The following CNDP1 variants were observed in gnomAD, a reference collection of about 807,000 sequenced individuals.
CNDP1 encodes carnosine dipeptidase 1.
Under a neutral mutation model 58.1 loss-of-function variants are expected in CNDP1, and 44 were observed. That is an observed-to-expected ratio of 0.76 (90% CI 0.60 to 0.97). CNDP1 has a LOEUF of 0.97. Among genes scored for constraint, CNDP1 ranks in the 50% least tolerant of loss-of-function variants. The pLI is 0.00. For missense variants in CNDP1, 616 were observed against 655.1 expected, an observed-to-expected ratio of 0.94 and a Z score of 0.65; for synonymous variants, 254 against 252.6, an observed-to-expected ratio of 1.01 and a Z score of -0.05.
intron 1 of CNDP1, among the ~76,000 whole-genome samples, chr18:74,546,739 C>T (rs778551914): frequency 7.2e-5 from 11 of 152,228 alleles, no homozygotes; most frequent in Non-Finnish European, 1.2e-4. Context: ...CTTCGGCAGT[C>T]TCTGACTTCT....
At chr18:74,577,574 G>A (rs1387073249) in intron 8 of CNDP1, 2 of 152,592 alleles carry the variant, frequency 1.3e-5, no homozygotes, top group African/African-American at 4.8e-5. Flanking sequence ...TGCCTGACAA[G>A]GTGTTTGGTA....
In CNDP1 at chr18:74,578,111, G is replaced by T. The variant is rs559473440; in HGVS notation, c.1003-52G>T. The T allele has an allele frequency of 4.5e-6, 7 of 1,548,092 alleles. No individual in the cohort carries two copies. In the East Asian group the frequency reaches 1.6e-4, roughly 35 times the overall value. ...AGAGGGTGGTAACACAAGCAACCCA[G>T]GTCCACTGGGTTCTAATTAAGCATC... On this transcript the variant is annotated intron_variant, in intron 8 of 11. Coordinates refer to ENST00000358821, the MANE Select transcript of CNDP1 (RefSeq NM_032649.6).
At chr18:74,584,031 T>A in intron 11 of CNDP1, 1 of 330,856 alleles carries the variant, frequency 3.0e-6, no homozygotes, top group Non-Finnish European at 5.6e-6. Context: ...CATTTAACCT[T>A]TATTATCTCC....
At position 74,576,866 on chromosome 18, in the gene CNDP1, T is replaced by C. The variant is rs1373001600; in HGVS notation, c.842-3T>C. On this transcript the variant is annotated splice_region_variant and splice_polypyrimidine_tract_variant and intron_variant, in intron 7 of 11. Coordinates refer to ENST00000358821, the MANE Select transcript of CNDP1 (RefSeq NM_032649.6). ...GGCTTTGTTTTCTGTGTGTGTTTTGTAGGTAGCCTGGTAGACTCGTCTGGT... is the reference window on the plus strand; with the variant it reads ...GGCTTTGTTTTCTGTGTGTGTTTTGCAGGTAGCCTGGTAGACTCGTCTGGT... The C allele has an allele frequency of 6.2e-7, 1 of 1,604,578 alleles. No homozygotes were observed. The highest frequency in any genetic ancestry group is 1.7e-5 in the Admixed American group (1 of 58,768).
chr18:74,563,786 G>A (rs1387460964), intron 5 of CNDP1, among the ~76,000 whole-genome samples: 1 of 152,154 alleles, frequency 6.6e-6, no homozygotes, highest in African/African-American at 2.4e-5. Flanking sequence ...TATTTCACAG[G>A]TAGAGCAGTA....
At chr18:74,575,447 G>A (rs1981606534) in intron 7 of CNDP1, among the ~76,000 whole-genome samples, 1 of 152,206 alleles carries the variant, frequency 6.6e-6, no homozygotes, top group Non-Finnish European at 1.5e-5. Flanking sequence ...CTGCCCTGGA[G>A]ACATTTTTGT....
intron 7 of CNDP1, chr18:74,576,614 G>T (rs2144575333): frequency 5.2e-6 from 2 of 386,672 alleles, no homozygotes; most frequent in Non-Finnish European, 9.2e-6. Context: ...TGCAGGCCCA[G>T]GTGTTTTCAG....
chr18:74,570,890 A>AAAGGAAG (rs1278143557), intron 6 of CNDP1, among the ~76,000 whole-genome samples: 2 of 152,244 alleles, frequency 1.3e-5, no homozygotes, highest in Non-Finnish European at 2.9e-5. Flanking sequence ...CAGCTGTGTA[A>AAAGGAAG]ACATCAATCA....
rs1460563811 is a variant in CNDP1 at position 74,585,558 on chromosome 18, A to T, written c.*996A>T. ...TGGCTTGATTGGATTTGACGGTGTA[A>T]ACAACAAAAAAAGACAGTCATTTTT... On this transcript the variant is annotated 3_prime_UTR_variant, in exon 12 of 12. Transcript: ENST00000358821. 1 of 92,274 alleles carries T rather than the reference A, an allele frequency of 1.1e-5. No homozygotes were observed. Among genetic ancestry groups the T allele is most frequent in the African/African-American group, 3.1e-5 (1 of 32,076 alleles). 5.7% of individuals were successfully genotyped at this position (92,274 alleles called of 1,614,324 possible). A position where few individuals can be genotyped will look rare whatever the true frequency, so the allele number is the denominator to read the frequency against.
intron 1 of CNDP1, among the ~76,000 whole-genome samples, chr18:74,537,930 A>G (rs574574935): frequency 1.9e-4 from 29 of 152,336 alleles, no homozygotes; most frequent in Admixed American, 8.5e-4. Flanking sequence ...ATTTAGACGA[A>G]GGTGAGAAGT....
rs1190033745 is a variant in CNDP1 at position 74,579,198 on chromosome 18, CCCTTG to C, written c.1167+876_1167+880del. Among the ~76,000 whole-genome samples the C allele has an allele frequency of 4.8e-3, 530 of 110,344 alleles. 3 individuals carry two copies. The highest frequency in any genetic ancestry group is 0.017 in the African/African-American group (406 of 23,692). The allele number at this position is 110,344 out of a possible 152,430, so 72.4% of individuals were successfully genotyped here. ...TCTCCCTTCTCCCTTTCCTTCCCTTCCCTTGCCTTCCCTTCCCTTCCCTTCCCTTC... is the reference window on the plus strand; with the variant it reads ...TCTCCCTTCTCCCTTTCCTTCCCTTCCCTTCCCTTCCCTTCCCTTCCCTTC... On this transcript the variant is annotated intron_variant, in intron 9 of 11. Coordinates refer to ENST00000358821, the MANE Select transcript of CNDP1 (RefSeq NM_032649.6).
At chr18:74,575,739 G>A (rs79867580) in intron 7 of CNDP1, among the ~76,000 whole-genome samples, 1,857 of 152,050 alleles carry the variant, frequency 0.012, 18 homozygotes, top group Non-Finnish European at 0.02. Context: ...GTGTGTGTGC[G>A]TGTGTGCGCG....
intron 1 of CNDP1, among the ~76,000 whole-genome samples, chr18:74,549,558 G>A (rs1980847644): frequency 6.6e-6 from 1 of 152,064 alleles, no homozygotes; most frequent in South Asian, 2.1e-4. Context: ...AGAGCATAAA[G>A]TTTGGGAAAT....
chr18:74,578,263 G>A lies in CNDP1; in HGVS notation c.1103G>A (p.Arg368Gln), dbSNP rs539490484. ...GGAACTAAAACAGTCATACCTGGCCGAGTTATAGGAAAATTTTCAATCCGT... is the reference window on the plus strand; with the variant it reads ...GGAACTAAAACAGTCATACCTGGCCAAGTTATAGGAAAATTTTCAATCCGT... ...EPGTKTVIPG[R>Q]VIGKFSIRLV... Residue 368 changes from arginine to glutamine, a missense_variant, in exon 9 of 12, where the codon CGA becomes CAA. Transcript: ENST00000358821. 27 of 1,614,058 alleles carry A rather than the reference G, an allele frequency of 1.7e-5. No homozygotes were observed. The highest frequency in any genetic ancestry group is 1.2e-4 in the South Asian group (11 of 91,058).
intron 5 of CNDP1, among the ~76,000 whole-genome samples, chr18:74,564,877 T>A (rs534396150): frequency 1.3e-5 from 2 of 152,214 alleles, no homozygotes; most frequent in Non-Finnish European, 2.9e-5. Context: ...TTTCATGTGT[T>A]TATGTTATAT....
chr18:74,537,466 G>C (rs1473234926), intron 1 of CNDP1, among the ~76,000 whole-genome samples: 1 of 152,116 alleles, frequency 6.6e-6, no homozygotes, highest in East Asian at 1.9e-4. Context: ...CTAATACTGA[G>C]AGAGAAAAGA....
At chr18:74,565,726 G>A (rs1981310943) in intron 5 of CNDP1, among the ~76,000 whole-genome samples, 1 of 152,198 alleles carries the variant, frequency 6.6e-6, no homozygotes, top group Non-Finnish European at 1.5e-5. Context: ...TTCATGGGCT[G>A]GCATTGAGTG....
rs1981868568 is a variant in CNDP1 at position 74,584,684 on chromosome 18, A to G, written c.*122A>G. 8.2e-6 allele frequency: 6 copies of G among 732,630 alleles called. No homozygotes were observed. The highest frequency in any genetic ancestry group is 1.4e-5 in the Non-Finnish European group (6 of 417,716). The allele number at this position is 732,630 out of a possible 1,614,324, so 45.4% of individuals were successfully genotyped here. On this transcript the variant is annotated 3_prime_UTR_variant, in exon 12 of 12. Transcript: ENST00000358821. ...TCTAGTATAGTACATTTTCCCTTCC[A>G]TTTAAAATGTCTTGGGATATCTGGA...
chr18:74,569,630 T>C (rs1288167622), intron 6 of CNDP1, among the ~76,000 whole-genome samples: 3 of 152,120 alleles, frequency 2.0e-5, no homozygotes, highest in Non-Finnish European at 4.4e-5. Flanking sequence ...GATAACCAGG[T>C]CCACACATGT....
Sources: gnomAD v4.1 joint callset for allele counts (sites outside exome capture counted in the v4.1 genomes callset) on GRCh38, gnomAD v4.1.1 for gene constraint, MANE v1.5 for transcripts, NCBI Gene and HGNC (gene_info 2026-07-23, HGNC 2026-07-21) for gene names.